Variants in WBP2NL observed in about 807,000 individuals in gnomAD.
WBP2NL encodes the protein postacrosomal sheath WW domain-binding protein.
A neutral mutation model predicts 23.3 loss-of-function variants in WBP2NL; 27 were observed. The observed-to-expected ratio is 1.16, with a 90% CI of 0.85 to 1.60. The LOEUF is 1.60. WBP2NL is among the 40% of genes most tolerant of loss of function. The pLI is 0.00. For missense variants in WBP2NL, 370 were observed against 389.5 expected (o/e 0.95, Z 0.42); for synonymous variants, 151 against 145.9 (o/e 1.03, Z -0.25).
downstream of WBP2NL, among the ~76,000 whole-genome samples, chr22:42,037,457 G>A (rs1341152203): frequency 7.2e-6 from 1 of 138,246 alleles, no homozygotes; most frequent in East Asian, 1.9e-4. Context: ...ATGAATTTTA[G>A]GATTTTTTTT....
intron 8 of WBP2NL, among the ~76,000 whole-genome samples, chr22:42,050,809 C>T (rs879334865): frequency 1.1e-4 from 16 of 152,170 alleles, no homozygotes; most frequent in East Asian, 1.9e-4. Flanking sequence ...CTATTATACA[C>T]CTATTACAAT....
intron 1 of WBP2NL, among the ~76,000 whole-genome samples, chr22:42,018,721 A>G (rs1299189110): frequency 6.6e-6 from 1 of 152,118 alleles, no homozygotes; most frequent in African/African-American, 2.4e-5. Context: ...CACAAGAAGT[A>G]TAAGAATTAA....
chr22:42,004,423 A>G (rs150204877), intron 1 of WBP2NL, among the ~76,000 whole-genome samples: 71 of 152,008 alleles, frequency 4.7e-4, no homozygotes, highest in African/African-American at 1.6e-3. Flanking sequence ...GTAAAACCCT[A>G]TCTCTACTAA....
chr22:42,022,702 T>C (rs1439686723), intron 5 of WBP2NL, among the ~76,000 whole-genome samples: 1 of 152,246 alleles, frequency 6.6e-6, no homozygotes, highest in Non-Finnish European at 1.5e-5. Context: ...ATCATACCTG[T>C]GCCACACCCT....
intron 1 of WBP2NL, among the ~76,000 whole-genome samples, chr22:42,009,187 A>G (rs574278436): frequency 7.2e-5 from 11 of 152,354 alleles, no homozygotes; most frequent in African/African-American, 2.6e-4. Flanking sequence ...CTGGGATTAC[A>G]GGGAGCTCTT....
At chr22:42,015,410 CT>C (rs374734465) in intron 1 of WBP2NL, among the ~76,000 whole-genome samples, 6 of 148,164 alleles carry the variant, frequency 4.0e-5, no homozygotes, top group Non-Finnish European at 6.0e-5. Context: ...GCATCATTTC[CT>C]TTTTTTTTTG....
chr22:42,054,590 T>C (rs1288600919), intron 8 of WBP2NL, among the ~76,000 whole-genome samples: 1 of 152,136 alleles, frequency 6.6e-6, no homozygotes, highest in African/African-American at 2.4e-5. Flanking sequence ...TAGTTTTCAG[T>C]CTTACATTTA....
At chr22:42,024,285 C>A (rs538752623) in intron 5 of WBP2NL, among the ~76,000 whole-genome samples, 13 of 152,302 alleles carry the variant, frequency 8.5e-5, no homozygotes, top group African/African-American at 3.1e-4. Context: ...ATTACGAATA[C>A]TAGCTGCTAT....
At chr22:42,052,815 T>C (rs1034065433) in intron 8 of WBP2NL, among the ~76,000 whole-genome samples, 3 of 152,186 alleles carry the variant, frequency 2.0e-5, no homozygotes, top group Admixed American at 6.5e-5. Context: ...CCTCCCTGTC[T>C]CTCACCTGGA....
chr22:42,034,942 G>C (rs1219472951), downstream of WBP2NL, among the ~76,000 whole-genome samples: 14 of 152,096 alleles, frequency 9.2e-5, no homozygotes. Flanking sequence ...ATTTCATATT[G>C]CTCAAACACA....
chr22:42,007,446 T>C (rs1302190449), intron 1 of WBP2NL, among the ~76,000 whole-genome samples: 1 of 152,186 alleles, frequency 6.6e-6, no homozygotes, highest in East Asian at 1.9e-4. Flanking sequence ...AAAATACACT[T>C]ATTGCAGAAT....
downstream of WBP2NL, chr22:42,030,705 AC>A (rs1223532577): frequency 6.6e-6 from 1 of 152,202 alleles, no homozygotes; most frequent in Non-Finnish European, 1.5e-5. Context: ...TTCTTTTCTT[AC>A]TTCCAAACTA....
rs777969975 is a variant in WBP2NL at position 42,022,276 on chromosome 22, T to C, written c.434T>C (p.Leu145Ser). The change falls in exon 5 of 6, where the codon TTA becomes TCA. Residue 145 changes from leucine (L) to serine (S), a missense_variant. Coordinates refer to ENST00000328823, the MANE Select transcript of WBP2NL (RefSeq NM_152613.3). ...GCCCGAGGATTTCCACTTAGAACCT[T>C]AAATGACTGGTTCAGCTCTATGGGA... is the stretch of plus-strand genomic sequence containing the variant. ...AAARGFPLRT[L>S]NDWFSSMGIY... The C allele has an allele frequency of 3.1e-6, 5 of 1,614,100 alleles. No individual in the cohort carries two copies. The Admixed American group carries it at 8.3e-5, about 27-fold the overall frequency.
At chr22:42,014,845 C>G (rs1219291295) in intron 1 of WBP2NL, among the ~76,000 whole-genome samples, 1 of 152,166 alleles carries the variant, frequency 6.6e-6, no homozygotes, top group Non-Finnish European at 1.5e-5. Context: ...ATATTCTCTA[C>G]TTCCTGAGAC....
intron 1 of WBP2NL, chr22:42,003,161 A>C (rs990359256): frequency 6.6e-6 from 1 of 150,640 alleles, no homozygotes; most frequent in African/African-American, 2.5e-5. Context: ...TCCATCTCAA[A>C]AAAAAAAAAA....
At chr22:42,021,180 A>C (rs750312781) in intron 4 of WBP2NL, among the ~76,000 whole-genome samples, 2 of 151,858 alleles carry the variant, frequency 1.3e-5, no homozygotes, top group Non-Finnish European at 2.9e-5. Context: ...TCAGCCTCCC[A>C]AAGTGCTGGG....
chr22:42,020,891 TA>T (rs1923876774), intron 4 of WBP2NL, among the ~76,000 whole-genome samples: 2 of 66,258 alleles, frequency 3.0e-5, no homozygotes, highest in Admixed American at 1.6e-4. Context: ...TATATATATA[TA>T]TATATATATA....
chr22:42,047,919 G>T (rs1004275798), intron 8 of WBP2NL, among the ~76,000 whole-genome samples: 13 of 151,768 alleles, frequency 8.6e-5, no homozygotes, highest in African/African-American at 3.1e-4. Flanking sequence ...ACTGCACCCA[G>T]CCTAAAACCA....
At chr22:42,036,345 T>G (rs991513465), downstream of WBP2NL, among the ~76,000 whole-genome samples, 1 of 152,164 alleles carries the variant, frequency 6.6e-6, no homozygotes, top group Non-Finnish European at 1.5e-5. Context: ...CGGCTAATTT[T>G]TTTTACTTTT....
Sources: allele counts gnomAD v4.1 joint callset (sites outside exome capture counted in the v4.1 genomes callset), GRCh38; gene constraint gnomAD v4.1.1; transcripts MANE v1.5; gene names NCBI Gene and HGNC (gene_info 2026-07-23, HGNC 2026-07-21).